The following DOCK4 variants were observed in gnomAD, a reference collection of about 807,000 sequenced individuals.
DOCK4 encodes dedicator of cytokinesis protein 4.
A neutral mutation model predicts 268.1 loss-of-function variants in DOCK4; 97 were observed. That is an observed-to-expected ratio of 0.36 (90% confidence interval 0.31 to 0.43). The LOEUF (loss-of-function observed/expected upper bound fraction) is 0.43. Ranked by LOEUF, DOCK4 falls within the 20% of genes least tolerant of loss-of-function variation. The probability of loss-of-function intolerance (pLI) is 1.00; values close to 1 mark genes in which losing one functional copy is unlikely to be tolerated. For synonymous variants in DOCK4, 954 were observed against 887.2 expected, an observed-to-expected ratio of 1.08 and a Z score of -1.34; for missense variants, 2,145 against 2,455.7, an observed-to-expected ratio of 0.87 and a Z score of 2.67.
intron 12 of DOCK4, among the ~76,000 whole-genome samples, chr7:111,933,142 A>ATATATACGTATATACACG (rs1794355798): frequency 3.3e-5 from 2 of 60,930 alleles, no homozygotes; most frequent in Non-Finnish European, 6.2e-5. Flanking sequence ...ATATACACAT[A>ATATATACGTATATACACG]TATATACGTA....
intron 23 of DOCK4, among the ~76,000 whole-genome samples, chr7:111,848,995 G>A (rs1435345903): frequency 6.6e-6 from 1 of 152,154 alleles, no homozygotes; most frequent in Non-Finnish European, 1.5e-5. Context: ...CCAGATAAAG[G>A]ACTTCAAAAG....
At chr7:111,861,959 C>T (rs1018733470) in intron 23 of DOCK4, among the ~76,000 whole-genome samples, 1 of 151,760 alleles carries the variant, frequency 6.6e-6, no homozygotes, top group Non-Finnish European at 1.5e-5. Flanking sequence ...AAATGGGAGC[C>T]TAGACAGGAG....
intron 6 of DOCK4, among the ~76,000 whole-genome samples, chr7:111,985,073 C>G (rs1255431807): frequency 6.6e-6 from 1 of 151,984 alleles, no homozygotes; most frequent in Non-Finnish European, 1.5e-5. Flanking sequence ...TCAGAGGTAT[C>G]AAGTATGGTA....
chr7:111,760,288 T>C lies in DOCK4; in HGVS notation c.4055A>G (p.Glu1352Gly). The C allele has an allele frequency of 1.2e-6, 2 of 1,613,950 alleles. No individual in the cohort carries two copies. Among genetic ancestry groups the C allele is most frequent in the Non-Finnish European group, 1.7e-6 (2 of 1,179,884 alleles). ...KEFVCRGHDY[E>G]RLEAFQQRML... ...TCTCTGTTGGAAGGCTTCCAGCCTC[T>C]CGTAGTCATGCCCTCGACACACAAA... is the stretch of plus-strand genomic sequence containing the variant. The change falls in exon 40 of 53, where the codon GAG becomes GGG. Residue 1352 changes from glutamate to glycine, a missense_variant. Around this residue, in one of 2 missense-constraint regions of DOCK4, gnomAD observed 1,598 missense variants for 1,986.7 expected, o/e 0.80. Coordinates refer to ENST00000428084, the MANE Select transcript of DOCK4 (RefSeq NM_001363540.2).
chr7:111,871,657 G>T (rs1448494380), intron 20 of DOCK4, among the ~76,000 whole-genome samples: 1 of 152,204 alleles, frequency 6.6e-6, no homozygotes, highest in African/African-American at 2.4e-5. Context: ...TCATCAGGGA[G>T]TACAGTGATG....
intron 27 of DOCK4, among the ~76,000 whole-genome samples, chr7:111,813,537 C>G (rs985659553): frequency 6.6e-5 from 10 of 152,166 alleles, no homozygotes; most frequent in African/African-American, 2.4e-5. Flanking sequence ...GGCATTCGCT[C>G]TACCATGAAC....
intron 1 of DOCK4, among the ~76,000 whole-genome samples, chr7:112,170,088 A>C (rs932923827): frequency 1.3e-5 from 2 of 149,934 alleles, no homozygotes; most frequent in Non-Finnish European, 3.0e-5. Context: ...AAAAGCAGCA[A>C]ACAAAATTAT....
chr7:112,134,420 T>C (rs1307049728), intron 1 of DOCK4, among the ~76,000 whole-genome samples: 2 of 151,978 alleles, frequency 1.3e-5, no homozygotes, highest in Admixed American at 1.3e-4. Flanking sequence ...TAAATAACTC[T>C]AAAAGTGTAA....
chr7:111,907,126 G>A (rs1340653241), intron 13 of DOCK4, among the ~76,000 whole-genome samples: 1 of 147,824 alleles, frequency 6.8e-6, no homozygotes, highest in Non-Finnish European at 1.5e-5. Flanking sequence ...CGGATAGGCT[G>A]AAAAGTTAAC....
At chr7:111,905,289 A>G (rs1418641812) in intron 13 of DOCK4, among the ~76,000 whole-genome samples, 3 of 152,306 alleles carry the variant, frequency 2.0e-5, no homozygotes, top group East Asian at 3.9e-4. Flanking sequence ...CCGTGTGAAA[A>G]GCTATTTCCC....
intron 1 of DOCK4, among the ~76,000 whole-genome samples, chr7:112,166,095 A>AT (rs1427638056): frequency 1.3e-5 from 2 of 152,132 alleles, no homozygotes; most frequent in Non-Finnish European, 2.9e-5. Flanking sequence ...TTTTAATGCC[A>AT]TATCTATAAG....
At chr7:112,183,865 T>G (rs1407048790) in intron 1 of DOCK4, among the ~76,000 whole-genome samples, 1 of 152,216 alleles carries the variant, frequency 6.6e-6, no homozygotes, top group Non-Finnish European at 1.5e-5. Flanking sequence ...GCCTTTGCTT[T>G]TGCTGTTTCT....
At chr7:111,757,040 T>A (rs1797067999) in intron 41 of DOCK4, among the ~76,000 whole-genome samples, 1 of 148,152 alleles carries the variant, frequency 6.7e-6, no homozygotes. Flanking sequence ...AGGAGGAGAG[T>A]GGGGGTAGCA....
intron 23 of DOCK4, among the ~76,000 whole-genome samples, chr7:111,859,789 G>C (rs1166280449): frequency 6.6e-6 from 1 of 151,660 alleles, no homozygotes; most frequent in Non-Finnish European, 1.5e-5. Context: ...GGATGGTCTC[G>C]ATCTTCTGAC....
In DOCK4 at chr7:111,769,553, G is replaced by C; in HGVS notation, c.3804C>G (p.Ile1268Met). 6.2e-7 allele frequency: 1 copy of C among 1,613,792 alleles called. No individual in the cohort carries two copies. Among genetic ancestry groups the C allele is most frequent in the Non-Finnish European group, 8.5e-7 (1 of 1,179,752 alleles). ...CTTTGCCTCTGTCAAAGTTCTGGAT[G>C]ATGGTGAGGTGCAGGTGCTCTTTGC... Reference protein sequence around the residue: ...WQRKEHLHLTIIQNFDRGKCW... With the variant: ...WQRKEHLHLTMIQNFDRGKCW... The change falls in exon 37 of 53, where the codon ATC becomes ATG. Residue 1268 changes from isoleucine to methionine, a missense_variant. Ile to Met is a conservative substitution (Grantham distance 10). Around this residue, in one of 2 missense-constraint regions of DOCK4, gnomAD observed 1,598 missense variants for 1,986.7 expected, o/e 0.80. Transcript: ENST00000428084.
intron 27 of DOCK4, among the ~76,000 whole-genome samples, chr7:111,818,531 A>T (rs1036131894): frequency 1.3e-5 from 2 of 152,158 alleles, no homozygotes; most frequent in Non-Finnish European, 2.9e-5. Flanking sequence ...TGCAAGTCTT[A>T]TCATCCTTAT....
At chr7:112,200,734 A>AAAAAT (rs925508475) in intron 1 of DOCK4, among the ~76,000 whole-genome samples, 1 of 117,744 alleles carries the variant, frequency 8.5e-6, no homozygotes, top group Non-Finnish European at 1.7e-5. Context: ...ATAAAAAAAA[A>AAAAAT]AAAACAAAAA....
At chr7:112,174,823 T>C (rs1250240262) in intron 1 of DOCK4, among the ~76,000 whole-genome samples, 2 of 152,150 alleles carry the variant, frequency 1.3e-5, no homozygotes, top group South Asian at 4.1e-4. Flanking sequence ...TTTCACTAGA[T>C]GATGTTTTAT....
intron 7 of DOCK4, among the ~76,000 whole-genome samples, chr7:111,982,387 A>C (rs1383617106): frequency 3.3e-5 from 5 of 152,196 alleles, no homozygotes. Flanking sequence ...ATCTAAGCCT[A>C]ATATGAGGCA....
Sources: gnomAD v4.1 joint callset for allele counts (sites outside exome capture counted in the v4.1 genomes callset) on GRCh38, gnomAD v4.1.1 for gene constraint, gnomAD v4.1.1 regional missense constraint, MANE v1.5 for transcripts, NCBI Gene and HGNC (gene_info 2026-07-23, HGNC 2026-07-21) for gene names.